Variants in PDE4D observed in about 807,000 individuals in gnomAD.
The protein encoded by PDE4D is 3',5'-cyclic-AMP phosphodiesterase 4D.
Under a neutral mutation model 87.4 loss-of-function variants are expected in PDE4D, and 24 were observed. The observed-to-expected ratio is 0.27, with a 90% CI of 0.20 to 0.39. The LOEUF (loss-of-function observed/expected upper bound fraction) is 0.39, where lower values mean the gene tolerates loss of function less well. Ranked by LOEUF, PDE4D falls within the 10% of genes least tolerant of loss-of-function variation. The pLI, the probability that PDE4D is intolerant of heterozygous loss-of-function variation, is 1.00. For synonymous variants in PDE4D, 384 were observed against 383.2 expected, an observed-to-expected ratio of 1.00 and a Z score of -0.02; for missense variants, 714 against 1,041.0, an observed-to-expected ratio of 0.69 and a Z score of 4.32.
intron 2 of PDE4D, among the ~76,000 whole-genome samples, chr5:60,157,331 A>C (rs1782062211): frequency 6.6e-6 from 1 of 152,196 alleles, no homozygotes; most frequent in Non-Finnish European, 1.5e-5. Flanking sequence ...ACATCTACTA[A>C]GTACCATGCA....
chr5:59,587,236 G>A (rs1261515766), intron 1 of PDE4D, among the ~76,000 whole-genome samples: 1 of 152,176 alleles, frequency 6.6e-6, no homozygotes, highest in Non-Finnish European at 1.5e-5. Context: ...TCAAAACCAT[G>A]TGGGAGCTTT....
chr5:59,274,606 T>A (rs1764454858), intron 1 of PDE4D, among the ~76,000 whole-genome samples: 2 of 152,202 alleles, frequency 1.3e-5, no homozygotes, highest in Admixed American at 1.3e-4. Context: ...AAAATAGCCA[T>A]AAAAGTATTT....
At chr5:59,689,749 G>C (rs545532577) in intron 1 of PDE4D, among the ~76,000 whole-genome samples, 3 of 152,034 alleles carry the variant, frequency 2.0e-5, no homozygotes, top group African/African-American at 7.2e-5. Context: ...AGAAATAAAG[G>C]GTATTCAATT....
chr5:59,447,945 A>C (rs1029019546), intron 1 of PDE4D, among the ~76,000 whole-genome samples: 19 of 152,216 alleles, frequency 1.2e-4, no homozygotes, highest in African/African-American at 4.3e-4. Context: ...CCAGAACAAA[A>C]CGAACATATC....
chr5:60,229,011 G>A (rs1000488684), intron 1 of PDE4D, among the ~76,000 whole-genome samples: 12 of 152,050 alleles, frequency 7.9e-5, no homozygotes, highest in South Asian at 6.2e-4. Context: ...ATAAGGTAAC[G>A]GCTGGGAACT....
At chr5:60,217,090 A>T (rs1562228617) in intron 1 of PDE4D, among the ~76,000 whole-genome samples, 1 of 152,206 alleles carries the variant, frequency 6.6e-6, no homozygotes, top group East Asian at 1.9e-4. Flanking sequence ...TCAGCCTTAA[A>T]AAGGAAGGAA....
At chr5:59,236,554 T>C (rs1055629609) in intron 1 of PDE4D, among the ~76,000 whole-genome samples, 1 of 152,184 alleles carries the variant, frequency 6.6e-6, no homozygotes, top group African/African-American at 2.4e-5. Context: ...GCTGACCTTC[T>C]AGCTTTAACA....
chr5:59,874,298 T>A (rs557455297), intron 1 of PDE4D, among the ~76,000 whole-genome samples: 2 of 152,336 alleles, frequency 1.3e-5, no homozygotes, highest in South Asian at 4.1e-4. Context: ...CTCCATGGTA[T>A]TTGCACAAAC....
At chr5:59,071,485 T>C (rs1007024911) in intron 5 of PDE4D, among the ~76,000 whole-genome samples, 2 of 151,694 alleles carry the variant, frequency 1.3e-5, no homozygotes, top group Non-Finnish European at 2.9e-5. Flanking sequence ...TCTATTGAGT[T>C]TTTAACTTAT....
chr5:60,450,145 G>A (rs1440017639), intron 1 of PDE4D, among the ~76,000 whole-genome samples: 2 of 150,796 alleles, frequency 1.3e-5, no homozygotes, highest in Non-Finnish European at 2.9e-5. Context: ...ATTTTTATGA[G>A]AAAGAGACAA....
At chr5:59,586,213 C>T (rs1219606458) in intron 1 of PDE4D, 1 of 771,382 alleles carries the variant, frequency 1.3e-6, no homozygotes, top group Admixed American at 2.2e-5. Context: ...GCACAGTTTA[C>T]TTTTCATTCT....
chr5:59,814,322 A>C (rs1300572177), intron 1 of PDE4D, among the ~76,000 whole-genome samples: 5 of 152,214 alleles, frequency 3.3e-5, no homozygotes, highest in African/African-American at 4.8e-5. Flanking sequence ...CAAAACTTAA[A>C]ATATTTATGC....
At chr5:60,091,240 G>A (rs1100917) in intron 2 of PDE4D, among the ~76,000 whole-genome samples, 44,088 of 151,958 alleles carry the variant, frequency 0.29, 7,179 homozygotes, top group East Asian at 0.74. Flanking sequence ...GAAAATATTC[G>A]CAAACTATTC....
At chr5:60,337,925 TA>T (rs201236599) in intron 1 of PDE4D, among the ~76,000 whole-genome samples, 9 of 149,250 alleles carry the variant, frequency 6.0e-5, no homozygotes, top group East Asian at 2.0e-4. Context: ...CAAATAATAA[TA>T]AAAAAAAAGA....
chr5:59,061,367 C>T (rs528033646), intron 5 of PDE4D, among the ~76,000 whole-genome samples: 4 of 152,192 alleles, frequency 2.6e-5, no homozygotes, highest in African/African-American at 9.6e-5. Flanking sequence ...TATGAGGTTA[C>T]GGACCATGAC....
rs530907441 is a variant in PDE4D at position 59,480,324 on chromosome 5, G to A, written c.456-264356C>T. Among the ~76,000 whole-genome samples the A allele has an allele frequency of 4.6e-5, 7 of 152,070 alleles. No homozygotes were observed. In the South Asian group the frequency reaches 1.2e-3, roughly 27 times the overall value. ...TGCAACATTATTGTTCATATACATG[G>A]AAAGTATATATTTTTATTTGAATAA... On this transcript the variant is annotated intron_variant, in intron 1 of 14. Transcript: ENST00000340635.
intron 6 of PDE4D, among the ~76,000 whole-genome samples, chr5:59,010,412 C>A (rs917018526): frequency 6.6e-6 from 1 of 151,242 alleles, no homozygotes; most frequent in African/African-American, 2.4e-5. Flanking sequence ...TTTTTTAATT[C>A]TTTGTAATAA....
intron 1 of PDE4D, among the ~76,000 whole-genome samples, chr5:59,822,103 T>G (rs888342476): frequency 3.9e-5 from 6 of 152,218 alleles, no homozygotes; most frequent in African/African-American, 1.4e-4. Flanking sequence ...GGCTACTGTT[T>G]ATTTAATCTG....
chr5:59,668,577 C>T (rs1490322118), intron 1 of PDE4D, among the ~76,000 whole-genome samples: 1 of 151,718 alleles, frequency 6.6e-6, no homozygotes, highest in Non-Finnish European at 1.5e-5. Context: ...GACATGGTGG[C>T]CCATGCCTGT....
Sources: allele counts gnomAD v4.1 joint callset (sites outside exome capture counted in the v4.1 genomes callset), GRCh38; gene constraint gnomAD v4.1.1; transcripts MANE v1.5; gene names NCBI Gene and HGNC (gene_info 2026-07-23, HGNC 2026-07-21).